ADGRB3: variants seen among roughly 807,000 people sequenced by gnomAD.
The protein encoded by ADGRB3 is brain-specific angiogenesis inhibitor 3.
Under a neutral mutation model 193.4 loss-of-function variants are expected in ADGRB3, and 37 were observed. That is an observed-to-expected ratio of 0.19 (90% CI 0.15 to 0.25). The LOEUF (loss-of-function observed/expected upper bound fraction) is 0.25, where lower values mean the gene tolerates loss of function less well. Ranked by LOEUF, ADGRB3 falls within the 10% of genes least tolerant of loss-of-function variation. ADGRB3 has a pLI of 1.00. For missense variants in ADGRB3, 1,637 were observed against 1,852.9 expected, an observed-to-expected ratio of 0.88 and a Z score of 2.14; for synonymous variants, 690 against 644.2, an observed-to-expected ratio of 1.07 and a Z score of -1.08.
At chr6:68,865,284 G>A (rs569574538) in intron 3 of ADGRB3, among the ~76,000 whole-genome samples, 65 of 152,068 alleles carry the variant, frequency 4.3e-4, no homozygotes, top group African/African-American at 1.5e-3. Context: ...GTCCAGTTCT[G>A]ATAAAAATTT....
chr6:68,670,543 A>G (rs755468682), intron 3 of ADGRB3, among the ~76,000 whole-genome samples: 4 of 151,680 alleles, frequency 2.6e-5, no homozygotes, highest in Admixed American at 2.0e-4. Flanking sequence ...TCTCCAATGG[A>G]TGTTTTTGGC....
Position 68,943,924 on chromosome 6 carries a change from T to C in ADGRB3, c.1125T>C (p.Pro375=), listed in dbSNP as rs781717275. The change falls in exon 6 of 32, where the codon CCT becomes CCC. Residue 375 remains proline (P), a synonymous_variant. Coordinates refer to ENST00000370598, the MANE Select transcript of ADGRB3 (RefSeq NM_001704.3). ...QRTRTRSCTP[P]QYGGRPCEGP... is the part of the protein sequence containing the mutation. ...CAAGAACAAGGTCATGCACACCTCC[T>C]CAGTATGGAGGAAGGCCGTGTGAAG... 6.2e-7 allele frequency: 1 copy of C among 1,614,008 alleles called. No homozygotes were observed. The highest frequency in any genetic ancestry group is 1.1e-5 in the South Asian group (1 of 91,080).
chr6:69,366,714 T>C (rs1769576032), intron 29 of ADGRB3, among the ~76,000 whole-genome samples: 1 of 152,142 alleles, frequency 6.6e-6, no homozygotes, highest in Non-Finnish European at 1.5e-5. Flanking sequence ...GTTGTGTGTT[T>C]AGTCTACCTG....
At chr6:69,288,528 T>C (rs1767600308) in intron 20 of ADGRB3, among the ~76,000 whole-genome samples, 1 of 152,228 alleles carries the variant, frequency 6.6e-6, no homozygotes, top group Non-Finnish European at 1.5e-5. Context: ...AACATTTTTC[T>C]GTCCTTCAAG....
At chr6:69,136,094 G>A (rs1016665744) in intron 17 of ADGRB3, among the ~76,000 whole-genome samples, 1 of 151,984 alleles carries the variant, frequency 6.6e-6, no homozygotes, top group Non-Finnish European at 1.5e-5. Flanking sequence ...ATATGTATAT[G>A]TACATATATA....
rs543179465 is a variant in ADGRB3, at chr6:68,832,723, C to T, written c.758-97836C>T. Among the ~76,000 whole-genome samples the T allele has an allele frequency of 3.3e-5, 5 of 152,226 alleles. 1 individual carries two copies. The South Asian group carries it at 1.0e-3, about 32-fold the overall frequency. On this transcript the variant is annotated intron_variant, in intron 3 of 31. Transcript: ENST00000370598. ...TCTTTCTCATGGCCACAAATTCACT[C>T]TCCACTTTGGCCATATTTGCAGCTG...
intron 8 of ADGRB3, among the ~76,000 whole-genome samples, chr6:68,968,167 T>C (rs1442909942): frequency 6.6e-6 from 1 of 152,148 alleles, no homozygotes; most frequent in African/African-American, 2.4e-5. Flanking sequence ...TATTTACTCT[T>C]ACTCCCCACC....
chr6:69,137,640 T>TA (rs1774191220), intron 17 of ADGRB3, among the ~76,000 whole-genome samples: 1 of 151,840 alleles, frequency 6.6e-6, no homozygotes, highest in South Asian at 2.1e-4. Context: ...CTACTAAAAA[T>TA]ACAAAAATTA....
At chr6:68,757,982 G>A (rs532169604) in intron 3 of ADGRB3, among the ~76,000 whole-genome samples, 7 of 152,108 alleles carry the variant, frequency 4.6e-5, no homozygotes, top group Admixed American at 1.3e-4. Flanking sequence ...GCCTTTTAGA[G>A]TGTGTCCCTT....
chr6:68,716,929 T>C (rs1278104573), intron 3 of ADGRB3, among the ~76,000 whole-genome samples: 1 of 151,688 alleles, frequency 6.6e-6, no homozygotes, highest in Non-Finnish European at 1.5e-5. Flanking sequence ...TTTTCTTTAT[T>C]ATAGGATTTA....
chr6:69,362,631 C>T (rs1469009624), intron 29 of ADGRB3, among the ~76,000 whole-genome samples: 1 of 151,976 alleles, frequency 6.6e-6, no homozygotes, highest in Non-Finnish European at 1.5e-5. Context: ...GGATCACCCT[C>T]AAACTGAGTA....
At chr6:69,175,558 T>C (rs1466537831) in intron 17 of ADGRB3, among the ~76,000 whole-genome samples, 1 of 152,212 alleles carries the variant, frequency 6.6e-6, no homozygotes, top group African/African-American at 2.4e-5. Context: ...AGTAGTACAG[T>C]GTGAAGTCAG....
At chr6:68,987,288 T>G (rs911340477) in intron 10 of ADGRB3, among the ~76,000 whole-genome samples, 6 of 152,172 alleles carry the variant, frequency 3.9e-5, no homozygotes, top group African/African-American at 1.2e-4. Context: ...TTGGGTTTTA[T>G]TCAACCTCCA....
At chr6:68,874,191 C>A (rs1248758075) in intron 3 of ADGRB3, among the ~76,000 whole-genome samples, 1 of 151,940 alleles carries the variant, frequency 6.6e-6, no homozygotes, top group African/African-American at 2.4e-5. Flanking sequence ...TAAATGCTAC[C>A]ATTTATAAAT....
At chr6:69,121,808 C>T (rs986738379) in intron 17 of ADGRB3, among the ~76,000 whole-genome samples, 1 of 151,262 alleles carries the variant, frequency 6.6e-6, no homozygotes, top group Non-Finnish European at 1.5e-5. Flanking sequence ...GCGCACCTCA[C>T]ATCCCAGACA....
intron 17 of ADGRB3, among the ~76,000 whole-genome samples, chr6:69,109,589 C>T (rs1773310235): frequency 6.6e-6 from 1 of 152,058 alleles, no homozygotes; most frequent in Non-Finnish European, 1.5e-5. Flanking sequence ...AGAAAATTAG[C>T]TTTATAGGAG....
intron 24 of ADGRB3, 53 bp downstream of exon 24, chr6:69,333,061 C>T: frequency 1.9e-6 from 3 of 1,565,368 alleles, no homozygotes; most frequent in Non-Finnish European, 2.6e-6. Context: ...ATCCCATACT[C>T]CAATTTCAGA....
intron 17 of ADGRB3, among the ~76,000 whole-genome samples, chr6:69,147,218 TTTAAGATGCATCA>T (rs1554157448): frequency 6.6e-6 from 1 of 152,216 alleles, no homozygotes; most frequent in Non-Finnish European, 1.5e-5. Flanking sequence ...TTTCTAATTC[TTTAAGATGCATCA>T]TTAGGTTGTT....
chr6:68,923,740 C>T (rs1235265292), intron 3 of ADGRB3, among the ~76,000 whole-genome samples: 1 of 151,828 alleles, frequency 6.6e-6, no homozygotes, highest in Non-Finnish European at 1.5e-5. Context: ...TTTTGGTAGC[C>T]CCTATTAAAA....
Sources: gnomAD v4.1 joint callset for allele counts (sites outside exome capture counted in the v4.1 genomes callset) on GRCh38, gnomAD v4.1.1 for gene constraint, MANE v1.5 for transcripts, NCBI Gene and HGNC (gene_info 2026-07-23, HGNC 2026-07-21) for gene names.